ASS1: variants seen among roughly 807,000 people sequenced by gnomAD.
The protein encoded by ASS1 is argininosuccinate synthase.
In ASS1, 58 loss-of-function variants were observed where a neutral mutation model predicts 60.5. The ratio of observed to expected loss-of-function variants is 0.96; its 90% CI spans 0.78 to 1.19. ASS1 has a LOEUF of 1.19. ASS1 is among the 50% of genes most tolerant of loss of function. ASS1 has a pLI of 0.00. For synonymous variants in ASS1, 200 were observed against 206.9 expected (o/e 0.97, Z 0.29); for missense variants, 454 against 547.3 (o/e 0.83, Z 1.70).
Position 130,471,497 on chromosome 9 carries a change from A to T in ASS1, c.579A>T (p.Gly193=). The T allele has an allele frequency of 6.2e-7, 1 of 1,614,120 alleles. No homozygotes were observed. Among genetic ancestry groups the T allele is most frequent in the East Asian group, 2.2e-5 (1 of 44,884 alleles). Residue 193 remains glycine (G), a synonymous_variant, in exon 8 of 15, where the codon GGA becomes GGT. Coordinates refer to ENST00000352480, the MANE Select transcript of ASS1 (RefSeq NM_054012.4). ...ENLMHISYEA[G]ILENPKNQAP... ...TTCCCCTCCGCAGCTACGAGGCTGG[A>T]ATCCTGGAGAACCCCAAGGTAATCC...
Position 130,463,261 on chromosome 9 carries a change from C to T in ASS1, c.364-850C>T, listed in dbSNP as rs567504538. 2.6e-5 allele frequency among the ~76,000 whole-genome samples: 4 copies of T among 152,384 alleles called. No individual in the cohort carries two copies. The East Asian group carries it at 5.8e-4, about 22-fold the overall frequency. The stretch of plus-strand genomic sequence containing the variant: ...GCCGAGCCCACGGGGAAGCAGGAGA[C>T]GTGCGCGGCCATTTTCTCTCTGGGG... On this transcript the variant is annotated intron_variant, in intron 4 of 14. Transcript: ENST00000352480.
chr9:130,476,086 A>G lies in ASS1; in HGVS notation c.598-785A>G, dbSNP rs1846009979. ...CTGCAAGGTTTTTAAAGCAAAGATG[A>G]GACAGCAGTTCCTGGATGTCAGCAG... On this transcript the variant is annotated intron_variant, in intron 8 of 14. Coordinates refer to ENST00000352480, the MANE Select transcript of ASS1 (RefSeq NM_054012.4). This position sits in a 1 kb window ranked among gnomAD's most constrained non-coding sequence, Gnocchi z 4.9. Among the ~76,000 whole-genome samples the G allele has an allele frequency of 6.6e-6, 1 of 152,134 alleles. No homozygotes were observed. The highest frequency in any genetic ancestry group is 2.4e-5 in the African/African-American group (1 of 41,426).
rs377255002 is a variant in ASS1 at position 130,495,409 on chromosome 9, C to T, written c.1127+386C>T. Among the ~76,000 whole-genome samples the T allele has an allele frequency of 1.9e-4, 29 of 148,934 alleles. No individual in the cohort carries two copies. In the South Asian group the frequency reaches 2.6e-3, roughly 13 times the overall value. On this transcript the variant is annotated intron_variant, in intron 13 of 14. Transcript: ENST00000352480. ...ACCAGCCTAGGCAACATAGAAAGAC[C>T]TTGTCTCAAAAAAATATATATACAC...
chr9:130,487,997 C>T (rs896295593), intron 11 of ASS1, among the ~76,000 whole-genome samples: 1 of 152,090 alleles, frequency 6.6e-6, no homozygotes, highest in Non-Finnish European at 1.5e-5. Context: ...TGAGGTGATC[C>T]ACCTGCCTCG....
chr9:130,476,838 G>A lies in ASS1; in HGVS notation c.598-33G>A. Reference sequence around the variant, plus strand: ...CTGTAGGGTGTCCAGGGACTGGTATGTCATCTGCCCACCACTTTCTGTCTT... The same window carrying A: ...CTGTAGGGTGTCCAGGGACTGGTATATCATCTGCCCACCACTTTCTGTCTT... On this transcript the variant is annotated intron_variant, in intron 8 of 14. Transcript: ENST00000352480. The surrounding 1 kb of genome is among the most constrained non-coding windows in gnomAD (Gnocchi z 4.9). 1.3e-6 allele frequency: 2 copies of A among 1,584,994 alleles called. No individual in the cohort carries two copies. The highest frequency in any genetic ancestry group is 2.2e-5 in the East Asian group (1 of 44,708).
At chr9:130,472,778 G>A (rs961366789) in intron 8 of ASS1, among the ~76,000 whole-genome samples, 11 of 152,204 alleles carry the variant, frequency 7.2e-5, no homozygotes, top group Non-Finnish European at 1.3e-4. Flanking sequence ...CTCCAAGGGA[G>A]GCAGGGAGGC....
chr9:130,488,755 G>A lies in ASS1; in HGVS notation c.839-578G>A, dbSNP rs1846370616. ...CAGTTCCCAGCTCCACCTAGAGCAAGTCCCTTCTCCTCTTGAGCTCAGTTT... is the reference window on the plus strand; with the variant it reads ...CAGTTCCCAGCTCCACCTAGAGCAAATCCCTTCTCCTCTTGAGCTCAGTTT... On this transcript the variant is annotated intron_variant, in intron 11 of 14. Coordinates refer to ENST00000352480, the MANE Select transcript of ASS1 (RefSeq NM_054012.4). This position sits in a 1 kb window ranked among gnomAD's most constrained non-coding sequence, Gnocchi z 5.2. Among the ~76,000 whole-genome samples the A allele has an allele frequency of 6.6e-6, 1 of 152,204 alleles. No individual in the cohort carries two copies. The highest frequency in any genetic ancestry group is 1.5e-5 in the Non-Finnish European group (1 of 68,034).
intron 1 of ASS1, among the ~76,000 whole-genome samples, chr9:130,446,334 T>C (rs763743880): frequency 6.6e-6 from 1 of 151,886 alleles, no homozygotes; most frequent in African/African-American, 2.4e-5. Context: ...CCACACGGAC[T>C]GGGAAGCTTG....
rs1370536114 is a variant in ASS1 at position 130,446,867 on chromosome 9, A to G, written c.-6+1872A>G. Among the ~76,000 whole-genome samples, 6 of 152,218 alleles carry G rather than the reference A, an allele frequency of 3.9e-5. No homozygotes were observed. In the East Asian group the frequency reaches 9.6e-4, roughly 24 times the overall value. On this transcript the variant is annotated intron_variant, in intron 1 of 14. Coordinates refer to ENST00000352480, the MANE Select transcript of ASS1 (RefSeq NM_054012.4). ...GAAAGAGGTAACTTCGCTGGAATTCAGAGTCTAAGGCTCTGATTTCTGATG... is the reference window on the plus strand; with the variant it reads ...GAAAGAGGTAACTTCGCTGGAATTCGGAGTCTAAGGCTCTGATTTCTGATG...
rs1846012406 is a variant in ASS1 at position 130,476,132 on chromosome 9, C to CAGG, written c.598-737_598-735dup. On this transcript the variant is annotated intron_variant, in intron 8 of 14. Coordinates refer to ENST00000352480, the MANE Select transcript of ASS1 (RefSeq NM_054012.4). This position sits in a 1 kb window ranked among gnomAD's most constrained non-coding sequence, Gnocchi z 4.9. ...AGCAGGTGAACAAGGACCCCAGGCACAGGATGCCCACAGGAGGGACCTGAG... is the reference window on the plus strand; with the variant it reads ...AGCAGGTGAACAAGGACCCCAGGCACAGGAGGATGCCCACAGGAGGGACCTGAG... Among the ~76,000 whole-genome samples, 1 of 152,156 alleles carries CAGG rather than the reference C, an allele frequency of 6.6e-6. No homozygotes were observed. Among genetic ancestry groups the CAGG allele is most frequent in the Admixed American group, 6.5e-5 (1 of 15,286 alleles).
At chr9:130,479,826 C>T (rs1846123045) in intron 10 of ASS1, 26 bp downstream of exon 10, 1 of 1,604,480 alleles carries the variant, frequency 6.2e-7, no homozygotes, top group Non-Finnish European at 8.5e-7. Context: ...CCTGTCCGGC[C>T]TCTTGGGAAC....
intron 6 of ASS1, among the ~76,000 whole-genome samples, chr9:130,467,784 TA>T (rs1329637291): frequency 6.6e-6 from 1 of 152,168 alleles, no homozygotes; most frequent in Non-Finnish European, 1.5e-5. Flanking sequence ...GTTTCATCTT[TA>T]AGAATAATGA....
chr9:130,451,394 C>A (rs1028109341), intron 1 of ASS1, among the ~76,000 whole-genome samples: 1 of 152,182 alleles, frequency 6.6e-6, no homozygotes, highest in Non-Finnish European at 1.5e-5. Flanking sequence ...CGCCTTCCCT[C>A]CCTGGGCCTC....
intron 1 of ASS1, among the ~76,000 whole-genome samples, chr9:130,446,223 G>A (rs1588466368): frequency 6.6e-6 from 1 of 152,138 alleles, no homozygotes; most frequent in South Asian, 2.1e-4. Flanking sequence ...GATACTGTGC[G>A]GCTGCTAAGG....
intron 5 of ASS1, chr9:130,466,444 C>G: frequency 1.9e-6 from 1 of 533,338 alleles, no homozygotes. Flanking sequence ...CAGGTCTCAT[C>G]TGGGGAGACT....
At chr9:130,473,896 C>A (rs1274540697) in intron 8 of ASS1, among the ~76,000 whole-genome samples, 2 of 152,170 alleles carry the variant, frequency 1.3e-5, no homozygotes, top group South Asian at 2.1e-4. Context: ...GATGAATAAA[C>A]CATTTGCGGC....
chr9:130,489,285 C>A lies in ASS1; in HGVS notation c.839-48C>A, dbSNP rs142638337. 89 of 1,605,528 alleles carry A rather than the reference C, an allele frequency of 5.5e-5. No individual in the cohort carries two copies. The African/African-American group carries it at 1.0e-3, about 18-fold the overall frequency. The stretch of plus-strand genomic sequence containing the variant: ...ATTTGCTGACAGTTTGGGTTTCATG[C>A]GTTTCTCTCTTTTTTCTCCTTTTCC... On this transcript the variant is annotated intron_variant, in intron 11 of 14. Coordinates refer to ENST00000352480, the MANE Select transcript of ASS1 (RefSeq NM_054012.4). The surrounding 1 kb of genome is among the most constrained non-coding windows in gnomAD (Gnocchi z 4.1).
rs903470102 is a variant in ASS1 at position 130,489,593 on chromosome 9, A to C, written c.970+129A>C. The C allele has an allele frequency of 1.2e-5, 17 of 1,459,792 alleles. No individual in the cohort carries two copies. The highest frequency in any genetic ancestry group is 1.7e-4 in the Middle Eastern group (1 of 5,834). The allele number at this position is 1,459,792 out of a possible 1,614,324, so 90.4% of individuals were successfully genotyped here. A position where few individuals can be genotyped will look rare whatever the true frequency, so the allele number is the denominator to read the frequency against. On this transcript the variant is annotated intron_variant, in intron 12 of 14. Coordinates refer to ENST00000352480, the MANE Select transcript of ASS1 (RefSeq NM_054012.4). The surrounding 1 kb of genome is among the most constrained non-coding windows in gnomAD (Gnocchi z 4.1). ...TCCCCTGCCGCCCACTGCCATCCTCATGTGAGACCCCAAAAGGTGCAGGCC... is the reference window on the plus strand; with the variant it reads ...TCCCCTGCCGCCCACTGCCATCCTCCTGTGAGACCCCAAAAGGTGCAGGCC...
intron 13 of ASS1, among the ~76,000 whole-genome samples, chr9:130,498,493 C>A (rs563041455): frequency 6.6e-6 from 1 of 152,344 alleles, no homozygotes; most frequent in Non-Finnish European, 1.5e-5. Context: ...CCTGTGGACA[C>A]CACTCTTGCT....
Sources: gnomAD v4.1 joint callset for allele counts (sites outside exome capture counted in the v4.1 genomes callset) on GRCh38, gnomAD v4.1.1 for gene constraint, Gnocchi (gnomAD v3.1) non-coding constraint, MANE v1.5 for transcripts, NCBI Gene and HGNC (gene_info 2026-07-23, HGNC 2026-07-21) for gene names.